The following ERBB4 variants were observed in gnomAD, a reference collection of about 807,000 sequenced individuals.
The protein encoded by ERBB4 is erb-b2 receptor tyrosine kinase 4, also known as receptor tyrosine-protein kinase erbB-4.
ERBB4 carries 42 observed loss-of-function variants against 158.0 expected under a neutral mutation model. The ratio of observed to expected loss-of-function variants is 0.27; its 90% CI spans 0.21 to 0.34. The LOEUF is 0.34. ERBB4 is among the 10% of genes least tolerant of loss of function. The pLI, the probability that ERBB4 is intolerant of heterozygous loss-of-function variation, is 1.00. For synonymous variants in ERBB4, 583 were observed against 558.7 expected (o/e 1.04, Z -0.61); for missense variants, 1,333 against 1,624.1 (o/e 0.82, Z 3.08).
chr2:212,324,693 A>G (rs1227212536), intron 1 of ERBB4, among the ~76,000 whole-genome samples: 3 of 150,562 alleles, frequency 2.0e-5, no homozygotes, highest in Non-Finnish European at 4.5e-5. Flanking sequence ...TTCTTATGAG[A>G]AGATTAGACA....
intron 3 of ERBB4, among the ~76,000 whole-genome samples, chr2:211,834,549 T>C (rs1424156975): frequency 6.6e-6 from 1 of 151,864 alleles, no homozygotes; most frequent in Admixed American, 6.6e-5. Flanking sequence ...TTTAATTAGA[T>C]CATATTAGGA....
At chr2:212,278,129 GT>G (rs1258210918) in intron 1 of ERBB4, among the ~76,000 whole-genome samples, 1 of 151,728 alleles carries the variant, frequency 6.6e-6, no homozygotes, top group African/African-American at 2.4e-5. Flanking sequence ...TACTTGAAAT[GT>G]TTCAATAAGA....
At chr2:212,222,189 A>G (rs539033146) in intron 1 of ERBB4, among the ~76,000 whole-genome samples, 2 of 151,692 alleles carry the variant, frequency 1.3e-5, no homozygotes, top group East Asian at 3.9e-4. Context: ...TGACTATATT[A>G]TAACTTTCTG....
chr2:211,622,725 G>T (rs1422840313), intron 18 of ERBB4, among the ~76,000 whole-genome samples: 2 of 151,200 alleles, frequency 1.3e-5, no homozygotes, highest in African/African-American at 4.9e-5. Flanking sequence ...TAGCACTTTG[G>T]GAAGCCAAGG....
intron 6 of ERBB4, among the ~76,000 whole-genome samples, chr2:211,723,316 G>A (rs2106125096): frequency 6.6e-6 from 1 of 152,174 alleles, no homozygotes; most frequent in South Asian, 2.1e-4. Context: ...CAGAATATAT[G>A]TGTAAGTACA....
At chr2:211,435,967 T>TGC (rs2063844119) in intron 20 of ERBB4, among the ~76,000 whole-genome samples, 2 of 152,084 alleles carry the variant, frequency 1.3e-5, no homozygotes, top group African/African-American at 4.8e-5. Context: ...TTCTTTGTTT[T>TGC]TTTTTTTGAG....
intron 2 of ERBB4, among the ~76,000 whole-genome samples, chr2:212,066,804 G>A (rs940917060): frequency 6.6e-6 from 1 of 151,850 alleles, no homozygotes. Context: ...ATGACTTTAA[G>A]GAGATTCATG....
chr2:211,855,819 A>C (rs1249010188), intron 3 of ERBB4, among the ~76,000 whole-genome samples: 1 of 152,118 alleles, frequency 6.6e-6, no homozygotes, highest in Non-Finnish European at 1.5e-5. Context: ...CTAGCCAGGG[A>C]AATTGGGAAA....
At chr2:211,830,092 C>T (rs937417426) in intron 3 of ERBB4, among the ~76,000 whole-genome samples, 2 of 152,198 alleles carry the variant, frequency 1.3e-5, no homozygotes, top group African/African-American at 4.8e-5. Context: ...CACTAGCACA[C>T]TGCTCTGAAT....
At chr2:211,414,080 G>C (rs546208100) in intron 25 of ERBB4, among the ~76,000 whole-genome samples, 1 of 152,240 alleles carries the variant, frequency 6.6e-6, no homozygotes, top group East Asian at 1.9e-4. Context: ...AAACACTTGT[G>C]GGGGCGAGTT....
At chr2:211,429,161 A>G (rs989898991) in intron 21 of ERBB4, among the ~76,000 whole-genome samples, 1 of 152,176 alleles carries the variant, frequency 6.6e-6, no homozygotes, top group Admixed American at 6.5e-5. Flanking sequence ...AACATCTAAT[A>G]CACATGCTTC....
intron 1 of ERBB4, among the ~76,000 whole-genome samples, chr2:212,280,792 T>C (rs1429393591): frequency 2.6e-5 from 4 of 151,678 alleles, no homozygotes; most frequent in African/African-American, 7.2e-5. Context: ...AAACTAAAGA[T>C]GGACTAAAGT....
intron 1 of ERBB4, among the ~76,000 whole-genome samples, chr2:212,470,227 T>C (rs1382741138): frequency 2.6e-5 from 4 of 152,082 alleles, no homozygotes; most frequent in African/African-American, 9.7e-5. Context: ...CTGCTTCAAA[T>C]AAAGTAAAGA....
chr2:211,976,450 G>GT lies in ERBB4; in HGVS notation c.235-28835dup, dbSNP rs754785367. On this transcript the variant is annotated intron_variant, in intron 2 of 27. Transcript: ENST00000342788. ...TAAAAGTCACCACTTATTTTATTGTGTTTTTTTCTTAAGTTGCATGATATC... is the reference window on the plus strand; with the variant it reads ...TAAAAGTCACCACTTATTTTATTGTGTTTTTTTTCTTAAGTTGCATGATATC... Among the ~76,000 whole-genome samples, 116 of 151,988 alleles carry GT rather than the reference G, an allele frequency of 7.6e-4. 1 individual carries two copies. Among genetic ancestry groups the GT allele is most frequent in the Middle Eastern group, 3.4e-3 (1 of 294 alleles).
chr2:212,268,501 A>C (rs2085231438), intron 1 of ERBB4, among the ~76,000 whole-genome samples: 1 of 151,910 alleles, frequency 6.6e-6, no homozygotes, highest in Non-Finnish European at 1.5e-5. Context: ...GACATAATGA[A>C]AAAATTGCAT....
chr2:211,814,285 T>C (rs1054473044), intron 3 of ERBB4, among the ~76,000 whole-genome samples: 1 of 152,182 alleles, frequency 6.6e-6, no homozygotes, highest in Non-Finnish European at 1.5e-5. Flanking sequence ...CTTTACTTCA[T>C]AGTAGGATAA....
At chr2:212,376,867 C>A (rs554058986) in intron 1 of ERBB4, among the ~76,000 whole-genome samples, 50 of 152,080 alleles carry the variant, frequency 3.3e-4, no homozygotes, top group African/African-American at 1.1e-3. Flanking sequence ...GAAGTCCCTT[C>A]CCATATGTTC....
At chr2:212,170,924 C>T (rs923213992) in intron 1 of ERBB4, among the ~76,000 whole-genome samples, 5 of 152,088 alleles carry the variant, frequency 3.3e-5, no homozygotes, top group African/African-American at 9.7e-5. Flanking sequence ...TCACAGATTC[C>T]CCACCAGGGC....
intron 1 of ERBB4, among the ~76,000 whole-genome samples, chr2:212,433,014 G>C (rs1056960028): frequency 6.6e-5 from 10 of 151,996 alleles, no homozygotes; most frequent in Non-Finnish European, 1.3e-4. Flanking sequence ...TAACATCGAA[G>C]GGTTATATGT....
Sources: gnomAD v4.1 joint callset for allele counts (sites outside exome capture counted in the v4.1 genomes callset) on GRCh38, gnomAD v4.1.1 for gene constraint, MANE v1.5 for transcripts, NCBI Gene and HGNC (gene_info 2026-07-23, HGNC 2026-07-21) for gene names.